EEFSEC: variants seen among roughly 807,000 people sequenced by gnomAD.
The protein encoded by EEFSEC is selenocysteine-specific elongation factor.
In EEFSEC, 43 loss-of-function variants were observed where a neutral mutation model predicts 42.1. That is an observed-to-expected ratio of 1.02 (90% CI 0.80 to 1.32). EEFSEC has a LOEUF of 1.32. EEFSEC is among the 40% of genes most tolerant of loss of function. EEFSEC has a pLI of 0.00. For synonymous variants in EEFSEC, 354 were observed against 339.1 expected (o/e 1.04, Z -0.48); for missense variants, 745 against 803.6 (o/e 0.93, Z 0.88).
At chr3:128,295,609 T>C (rs1394178635) in intron 4 of EEFSEC, among the ~76,000 whole-genome samples, 2 of 151,032 alleles carry the variant, frequency 1.3e-5, no homozygotes, top group East Asian at 1.9e-4. Context: ...TTTTTTTTTT[T>C]TTTAAATCTT....
chr3:128,254,324 G>T lies in EEFSEC; in HGVS notation c.524+7281G>T, dbSNP rs902320156. ...CAGGCCAGGAACTGGCCACTGGGAA[G>T]GGGTGCCATCATCTGTGGCTGTTGT... On this transcript the variant is annotated intron_variant, in intron 2 of 6. Coordinates refer to ENST00000254730, the MANE Select transcript of EEFSEC (RefSeq NM_021937.5). Among the ~76,000 whole-genome samples, 11 of 152,334 alleles carry T rather than the reference G, an allele frequency of 7.2e-5. 1 individual carries two copies. In the Middle Eastern group the frequency reaches 0.01, roughly 141 times the overall value.
Position 128,317,891 on chromosome 3 carries a change from C to A in EEFSEC, c.787-23342C>A, listed in dbSNP as rs965139336. On this transcript the variant is annotated intron_variant, in intron 4 of 6. Transcript: ENST00000254730. This position sits in a 1 kb window ranked among gnomAD's most constrained non-coding sequence, Gnocchi z 4.1. ...CTCCCAGTTCCCTGCCAGGTGGTAA[C>A]CATGGTTCCTTTCTCAGGGCTCCCC... Among the ~76,000 whole-genome samples, 1 of 152,260 alleles carries A rather than the reference C, an allele frequency of 6.6e-6. No individual in the cohort carries two copies. Among genetic ancestry groups the A allele is most frequent in the African/African-American group, 2.4e-5 (1 of 41,470 alleles).
At chr3:128,204,825 A>G (rs1281909257) in intron 1 of EEFSEC, among the ~76,000 whole-genome samples, 1 of 152,110 alleles carries the variant, frequency 6.6e-6, no homozygotes, top group African/African-American at 2.4e-5. Context: ...ACTGAGACCC[A>G]CCCAGCCATT....
intron 6 of EEFSEC, among the ~76,000 whole-genome samples, chr3:128,385,639 T>C (rs2067829780): frequency 6.6e-6 from 1 of 152,192 alleles, no homozygotes; most frequent in African/African-American, 2.4e-5. Context: ...GCTGACTGTT[T>C]TATATGAGTT....
At chr3:128,179,549 CAG>C (rs1452745462) in intron 1 of EEFSEC, among the ~76,000 whole-genome samples, 1 of 152,146 alleles carries the variant, frequency 6.6e-6, no homozygotes, top group Non-Finnish European at 1.5e-5. Context: ...TTTGGGGAAA[CAG>C]ATACCATTTA....
intron 4 of EEFSEC, among the ~76,000 whole-genome samples, chr3:128,277,552 G>A (rs1317771291): frequency 6.6e-6 from 1 of 152,250 alleles, no homozygotes; most frequent in East Asian, 1.9e-4. Flanking sequence ...GAGCCAGCCA[G>A]AGCTGTCTGT....
intron 4 of EEFSEC, among the ~76,000 whole-genome samples, chr3:128,309,420 G>T (rs2066867105): frequency 6.6e-6 from 1 of 152,224 alleles, no homozygotes; most frequent in Non-Finnish European, 1.5e-5. Context: ...TCAGCGCACA[G>T]AGGCTAGAGA....
At chr3:128,169,468 A>G (rs563869314) in intron 1 of EEFSEC, among the ~76,000 whole-genome samples, 7 of 152,336 alleles carry the variant, frequency 4.6e-5, no homozygotes, top group Non-Finnish European at 8.8e-5. Flanking sequence ...GAAATAGGAC[A>G]CGGTGAGACA....
In EEFSEC at chr3:128,358,367, A is replaced by G; in HGVS notation, c.1594A>G (p.Ile532Val). Residue 532 changes from isoleucine (I) to valine (V), a missense_variant, in exon 6 of 7, where the codon ATC becomes GTC. Transcript: ENST00000254730. ...CCAGAGCGGCAAGTTCAAGATCCAC[A>G]TCCCAGGTAAGTGCAGCCACTTCCT... Reference protein sequence around the residue: ...FGQSGKFKIHIPGGLSPESKK... With the variant: ...FGQSGKFKIHVPGGLSPESKK... 3 of 1,614,226 alleles carry G rather than the reference A, an allele frequency of 1.9e-6. No homozygotes were observed. Among genetic ancestry groups the G allele is most frequent in the African/African-American group, 1.3e-5 (1 of 75,076 alleles).
At position 128,348,293 on chromosome 3, in the gene EEFSEC, C is replaced by T. The variant is rs201575743; in HGVS notation, c.1443+6404C>T. 1.9e-3 allele frequency among the ~76,000 whole-genome samples: 264 copies of T among 135,646 alleles called. 4 individuals carry two copies. Among genetic ancestry groups the T allele is most frequent in the Middle Eastern group, 0.012 (3 of 260 alleles). The allele number at this position is 135,646 out of a possible 152,430, so 89.0% of individuals were successfully genotyped here. A position where few individuals can be genotyped will look rare whatever the true frequency, so the allele number is the denominator to read the frequency against. On this transcript the variant is annotated intron_variant, in intron 5 of 6. Transcript: ENST00000254730. The stretch of plus-strand genomic sequence containing the variant: ...GTGCGTGTGCGTGTGTGTGTGTGTG[C>T]GTGTGTGTGTGTGTGTTCATTCTTT...
chr3:128,181,857 A>G (rs964121731), intron 1 of EEFSEC, among the ~76,000 whole-genome samples: 1 of 152,200 alleles, frequency 6.6e-6, no homozygotes, highest in Non-Finnish European at 1.5e-5. Context: ...TCTATTGCTC[A>G]GGCTGGAGTG....
intron 1 of EEFSEC, among the ~76,000 whole-genome samples, chr3:128,183,896 T>C (rs2065437449): frequency 6.6e-6 from 1 of 152,176 alleles, no homozygotes; most frequent in African/African-American, 2.4e-5. Flanking sequence ...GCACAGTTTG[T>C]GTTCTGAGGT....
chr3:128,408,471 C>A lies in EEFSEC; in HGVS notation c.*212C>A, dbSNP rs2068149102. On this transcript the variant is annotated 3_prime_UTR_variant, in exon 7 of 7. Coordinates refer to ENST00000254730, the MANE Select transcript of EEFSEC (RefSeq NM_021937.5). ...GGGTCTCTCCTCCAGCCCCTGCACACTCCCACCCAGGACAGCCCCCAGCCC... is the reference window on the plus strand; with the variant it reads ...GGGTCTCTCCTCCAGCCCCTGCACAATCCCACCCAGGACAGCCCCCAGCCC... 4.3e-6 allele frequency: 2 copies of A among 469,720 alleles called. No individual in the cohort carries two copies. Among genetic ancestry groups the A allele is most frequent in the Non-Finnish European group, 3.7e-6 (1 of 272,896 alleles). 29.1% of individuals were successfully genotyped at this position (469,720 alleles called of 1,614,324 possible). A position where few individuals can be genotyped will look rare whatever the true frequency, so the allele number is the denominator to read the frequency against.
intron 1 of EEFSEC, among the ~76,000 whole-genome samples, chr3:128,194,671 GCA>G (rs1405181108): frequency 6.6e-6 from 1 of 152,068 alleles, no homozygotes; most frequent in Admixed American, 6.5e-5. Context: ...GGTACTTTGT[GCA>G]CCCTTCTTTA....
In EEFSEC at chr3:128,311,394, A is replaced by G. The variant is rs115486749; in HGVS notation, c.787-29839A>G. ...TGGACATGTTAAATGTTTGGAAACC[A>G]GATTCCTGTAGGGAAGGAGGGAAGG... is the stretch of plus-strand genomic sequence containing the variant. On this transcript the variant is annotated intron_variant, in intron 4 of 6. Coordinates refer to ENST00000254730, the MANE Select transcript of EEFSEC (RefSeq NM_021937.5). 4.6e-3 allele frequency among the ~76,000 whole-genome samples: 702 copies of G among 152,366 alleles called. 5 individuals are homozygous for G. Among genetic ancestry groups the G allele is most frequent in the African/African-American group, 0.016 (665 of 41,586 alleles).
chr3:128,389,459 C>A (rs2067881765), intron 6 of EEFSEC, among the ~76,000 whole-genome samples: 1 of 152,234 alleles, frequency 6.6e-6, no homozygotes, highest in African/African-American at 2.4e-5. Flanking sequence ...CCCACATGGC[C>A]TCCTAAGTCA....
intron 1 of EEFSEC, among the ~76,000 whole-genome samples, chr3:128,164,359 G>A (rs1040013135): frequency 3.9e-5 from 6 of 152,216 alleles, no homozygotes; most frequent in Non-Finnish European, 8.8e-5. Context: ...ATCGAGATGG[G>A]CATAGAAATG....
the EEFSEC span, among the ~76,000 whole-genome samples, chr3:128,423,974 G>C: frequency 3.9e-5 from 6 of 152,146 alleles, no homozygotes; most frequent in African/African-American, 1.2e-4. Context: ...CCCTTTGCCT[G>C]GGGGGGTGAT....
intron 4 of EEFSEC, among the ~76,000 whole-genome samples, chr3:128,333,597 G>A (rs2067157262): frequency 6.6e-6 from 1 of 152,212 alleles, no homozygotes; most frequent in Non-Finnish European, 1.5e-5. Flanking sequence ...AATCAGGTGT[G>A]TAAAGATTTT....
Sources: gnomAD v4.1 joint callset for allele counts (sites outside exome capture counted in the v4.1 genomes callset) on GRCh38, gnomAD v4.1.1 for gene constraint, Gnocchi (gnomAD v3.1) non-coding constraint, MANE v1.5 for transcripts, NCBI Gene and HGNC (gene_info 2026-07-23, HGNC 2026-07-21) for gene names.